The following HSPG2 variants were observed in gnomAD, a reference collection of about 807,000 sequenced individuals.
HSPG2 encodes the protein heparan sulfate proteoglycan 2, also known as basement membrane-specific heparan sulfate proteoglycan core protein.
In HSPG2, 278 loss-of-function variants were observed where a neutral mutation model predicts 526.6. The observed-to-expected ratio is 0.53, with a 90% CI of 0.48 to 0.58. The LOEUF (loss-of-function observed/expected upper bound fraction) is 0.58, where lower values mean the gene tolerates loss of function less well. HSPG2 is among the 20% of genes least tolerant of loss of function. The pLI, the probability that HSPG2 is intolerant of heterozygous loss-of-function variation, is 0.00. For missense variants in HSPG2, 5,354 were observed against 6,099.5 expected (o/e 0.88, Z 4.07); for synonymous variants, 2,465 against 2,555.4 (o/e 0.96, Z 1.07).
In HSPG2 at chr1:21,848,035, A is replaced by T. The variant is rs756941537; in HGVS notation, c.7796T>A (p.Val2599Glu). 1.2e-6 allele frequency: 2 copies of T among 1,613,342 alleles called. No homozygotes were observed. The highest frequency in any genetic ancestry group is 1.7e-6 in the Non-Finnish European group (2 of 1,179,960). ...GCCTGCACCGTTACTGACGTGACAC[A>T]CGTACTCGCCCGAGTCTGCCGGAGT... ...QVTPADSGEY[V>E]CHVSNGAGSR... Residue 2599 changes from valine (V) to glutamate (E), a missense_variant, in exon 60 of 97, where the codon GTG (valine) becomes GAG (glutamate). Transcript: ENST00000374695. The surrounding 1 kb of genome is among the most constrained non-coding windows in gnomAD (Gnocchi z 4.9).
chr1:21,868,575 A>G (rs538877402), intron 33 of HSPG2, among the ~76,000 whole-genome samples: 1 of 152,312 alleles, frequency 6.6e-6, no homozygotes, highest in South Asian at 2.1e-4. Context: ...AAGTACCAAA[A>G]ACTAGGCCAG....
At position 21,865,409 on chromosome 1, in the gene HSPG2, C is replaced by A. The variant is rs765360167; in HGVS notation, c.4315-44G>T. ...GATTGGAAGGGGAGCCGAGGGGTCCCTGGGGTGCCAGGGTGTCCTCCACCA... is the reference window on the plus strand; with the variant it reads ...GATTGGAAGGGGAGCCGAGGGGTCCATGGGGTGCCAGGGTGTCCTCCACCA... On this transcript the variant is annotated intron_variant, in intron 34 of 96. Transcript: ENST00000374695. This position sits in a 1 kb window ranked among gnomAD's most constrained non-coding sequence, Gnocchi z 5.4. The A allele has an allele frequency of 6.3e-7, 1 of 1,586,316 alleles. No individual in the cohort carries two copies. The highest frequency in any genetic ancestry group is 2.2e-5 in the East Asian group (1 of 44,736).
chr1:21,841,705 G>A (rs1473698547), intron 69 of HSPG2, 32 bp from the exon 70 acceptor site: 1 of 1,600,210 alleles, frequency 6.2e-7, no homozygotes, highest in Admixed American at 1.7e-5. Flanking sequence ...GGTGAGAGAG[G>A]ATTGACCTGG....
At chr1:21,823,553 C>A (rs924145474) in intron 96 of HSPG2, 63 bp downstream of exon 96, 8 of 1,609,570 alleles carry the variant, frequency 5.0e-6, no homozygotes, top group Non-Finnish European at 6.8e-6. Flanking sequence ...GAAGGCTGGG[C>A]GAGCTCTAGC....
chr1:21,860,718 C>A (rs1018302793), intron 39 of HSPG2, among the ~76,000 whole-genome samples: 3 of 152,136 alleles, frequency 2.0e-5, no homozygotes, highest in Non-Finnish European at 4.4e-5. Context: ...ATCTCCTGAC[C>A]TCATGATCCG....
rs62642526 is a variant in HSPG2, at chr1:21,872,231, A to C, written c.4176T>G (p.His1392Gln). Residue 1392 changes from histidine (H) to glutamine (Q), a missense_variant, in exon 33 of 97, where the codon CAT becomes CAG. Transcript: ENST00000374695. The surrounding 1 kb of genome is among the most constrained non-coding windows in gnomAD (Gnocchi z 5.5). ...CCGGCAGCTGCCAGTAGAAGGACTC[A>C]TGGCCGAGTTGGGCAAAGTTGCCAA... ...LSFGNFAQLG[H>Q]ESFYWQLPET... 3 of 1,552,366 alleles carry C rather than the reference A, an allele frequency of 1.9e-6. No individual in the cohort carries two copies. Among genetic ancestry groups the C allele is most frequent in the African/African-American group, 2.7e-5 (2 of 73,106 alleles).
intron 1 of HSPG2, among the ~76,000 whole-genome samples, chr1:21,899,443 C>T (rs1358538414): frequency 6.6e-6 from 1 of 151,974 alleles, no homozygotes; most frequent in African/African-American, 2.4e-5. Context: ...ACTCCTAAAC[C>T]AGGTTATAGG....
chr1:21,887,717 T>G lies in HSPG2; in HGVS notation c.704-43A>C. Reference sequence around the variant, plus strand: ...TTGGCATTTGGCAGAAGCAGATGGCTCCTCACCTGCTCCTTGTCCCCAACC... The same window carrying G: ...TTGGCATTTGGCAGAAGCAGATGGCGCCTCACCTGCTCCTTGTCCCCAACC... On this transcript the variant is annotated intron_variant, in intron 7 of 96. Transcript: ENST00000374695. The surrounding 1 kb of genome is among the most constrained non-coding windows in gnomAD (Gnocchi z 5.0). The G allele has an allele frequency of 6.2e-7, 1 of 1,612,624 alleles. No individual in the cohort carries two copies.
rs539043591 is a variant in HSPG2 at position 21,857,550 on chromosome 1, C to T, written c.5294-165G>A. 3.5e-4 allele frequency among the ~76,000 whole-genome samples: 53 copies of T among 152,246 alleles called. No homozygotes were observed. In the Middle Eastern group the frequency reaches 0.01, roughly 29 times the overall value. The stretch of plus-strand genomic sequence containing the variant: ...CTCCCCCATTCTGGCTGAACCCCAC[C>T]ATCCCCACCCTCCTTGCCAGCACAG... On this transcript the variant is annotated intron_variant, in intron 42 of 96. Transcript: ENST00000374695.
Position 21,890,823 on chromosome 1 carries a change from GC to G in HSPG2, c.245-130del. On this transcript the variant is annotated intron_variant, in intron 3 of 96. Transcript: ENST00000374695. This position sits in a 1 kb window ranked among gnomAD's most constrained non-coding sequence, Gnocchi z 4.1. ...CCTCCCTCGAGGCTGACACCTGTGT[GC>G]CCACTGCTACACCCAGGACTGCCTG... 1.4e-6 allele frequency: 1 copy of G among 724,306 alleles called. No homozygotes were observed. Among genetic ancestry groups the G allele is most frequent in the Non-Finnish European group, 2.5e-6 (1 of 405,424 alleles). The allele number at this position is 724,306 out of a possible 1,614,324, so 44.9% of individuals were successfully genotyped here.
At chr1:21,861,617 T>C (rs1203965368) in intron 39 of HSPG2, 140 bp downstream of exon 39, 2 of 809,508 alleles carry the variant, frequency 2.5e-6, no homozygotes, top group Non-Finnish European at 2.1e-6. Flanking sequence ...CCAAGAGCAA[T>C]GAGGTGTCTT....
chr1:21,887,360 G>A lies in HSPG2; in HGVS notation c.959-26C>T, dbSNP rs868206399. On this transcript the variant is annotated intron_variant, in intron 8 of 96. Coordinates refer to ENST00000374695, the MANE Select transcript of HSPG2 (RefSeq NM_005529.7). The surrounding 1 kb of genome is among the most constrained non-coding windows in gnomAD (Gnocchi z 5.0). Reference sequence around the variant, plus strand: ...CTAGGAGACCGGGCAGGGGTCAGCAGCATCCTCCCGGGCCAGCTTCCTGCT... The same window carrying A: ...CTAGGAGACCGGGCAGGGGTCAGCAACATCCTCCCGGGCCAGCTTCCTGCT... 1 of 1,613,880 alleles carries A rather than the reference G, an allele frequency of 6.2e-7. No homozygotes were observed.
chr1:21,882,489 T>C (rs1463752956), intron 13 of HSPG2, among the ~76,000 whole-genome samples: 3 of 151,716 alleles, frequency 2.0e-5, no homozygotes, highest in East Asian at 1.9e-4. Flanking sequence ...CCCAGATCTC[T>C]AGGACAGCTC....
chr1:21,843,264 C>T, intron 66 of HSPG2, 33 bp downstream of exon 66: 1 of 1,613,586 alleles, frequency 6.2e-7, no homozygotes, highest in Non-Finnish European at 8.5e-7. Context: ...CGCGCCTGTG[C>T]TCTGGCATCG....
intron 64 of HSPG2, among the ~76,000 whole-genome samples, chr1:21,844,760 C>A (rs977113336): frequency 1.3e-5 from 2 of 152,256 alleles, no homozygotes; most frequent in Non-Finnish European, 2.9e-5. Flanking sequence ...ACAATGCCAT[C>A]TACCTCAAAG....
chr1:21,912,717 T>C (rs1483307787), intron 1 of HSPG2, among the ~76,000 whole-genome samples: 1 of 152,184 alleles, frequency 6.6e-6, no homozygotes, highest in African/African-American at 2.4e-5. Context: ...CAGTGGCTTG[T>C]GTCTGTAACC....
At chr1:21,883,954 G>A (rs11808082) in intron 13 of HSPG2, among the ~76,000 whole-genome samples, 2,371 of 152,328 alleles carry the variant, frequency 0.016, 61 homozygotes, top group African/African-American at 0.053. Context: ...AAGACACAGC[G>A]GCAGTAAGTG....
intron 74 of HSPG2, 96 bp from the exon 75 acceptor site, chr1:21,837,102 G>A (rs1167570730): frequency 2.7e-6 from 3 of 1,122,068 alleles, no homozygotes; most frequent in Non-Finnish European, 2.6e-6. Flanking sequence ...CAACATTCAA[G>A]GAATGTTCTC....
chr1:21,846,942 G>C (rs1460569518), intron 62 of HSPG2, among the ~76,000 whole-genome samples: 1 of 152,112 alleles, frequency 6.6e-6, no homozygotes, highest in Non-Finnish European at 1.5e-5. Flanking sequence ...GGAAGTTGCA[G>C]TGAGTTGAGA....
Sources: allele counts gnomAD v4.1 joint callset (sites outside exome capture counted in the v4.1 genomes callset), GRCh38; gene constraint gnomAD v4.1.1; non-coding constraint Gnocchi (gnomAD v3.1); transcripts MANE v1.5; gene names NCBI Gene and HGNC (gene_info 2026-07-23, HGNC 2026-07-21).